Variants in MYT1 observed in about 807,000 individuals in gnomAD.
MYT1 encodes myelin transcription factor 1, also known as myelin transcription factor I.
In MYT1, 23 loss-of-function variants were observed where a neutral mutation model predicts 123.0. That is an observed-to-expected ratio of 0.19 (90% CI 0.13 to 0.26). The LOEUF (loss-of-function observed/expected upper bound fraction) is 0.26. Among genes scored for constraint, MYT1 ranks in the 10% least tolerant of loss-of-function variants. MYT1 has a pLI of 1.00. For synonymous variants in MYT1, 518 were observed against 575.3 expected (o/e 0.90, Z 1.43); for missense variants, 1,125 against 1,472.5 (o/e 0.76, Z 3.86).
At position 64,235,732 on chromosome 20, in the gene MYT1, C is replaced by A. The variant is rs187754966; in HGVS notation, c.2898-823C>A. Among the ~76,000 whole-genome samples, 903 of 97,334 alleles carry A rather than the reference C, an allele frequency of 9.3e-3. 13 individuals carry two copies. Among genetic ancestry groups the A allele is most frequent in the African/African-American group, 0.017 (278 of 16,848 alleles). 63.9% of individuals were successfully genotyped at this position (97,334 alleles called of 152,430 possible). A position where few individuals can be genotyped will look rare whatever the true frequency, so the allele number is the denominator to read the frequency against. Reference sequence around the variant, plus strand: ...GCTGGCCGTGGTGGGTGACCCTTGGCTGGCTGTGGTGGGTGACCCTTGGAT... The same window carrying A: ...GCTGGCCGTGGTGGGTGACCCTTGGATGGCTGTGGTGGGTGACCCTTGGAT... On this transcript the variant is annotated intron_variant, in intron 19 of 22. Coordinates refer to ENST00000328439, the MANE Select transcript of MYT1 (RefSeq NM_004535.3).
At chr20:64,169,414 A>G (rs1170298207) in intron 1 of MYT1, among the ~76,000 whole-genome samples, 1 of 152,186 alleles carries the variant, frequency 6.6e-6, no homozygotes, top group Non-Finnish European at 1.5e-5. Flanking sequence ...TGGGTTCTGA[A>G]AATCAAATGG....
rs1049927324 is a variant in MYT1, at chr20:64,240,858, G to T, written c.*410G>T. 5.6e-6 allele frequency: 1 copy of T among 178,804 alleles called. No homozygotes were observed. Among genetic ancestry groups the T allele is most frequent in the Admixed American group, 5.6e-5 (1 of 17,846 alleles). 11.1% of individuals were successfully genotyped at this position (178,804 alleles called of 1,614,324 possible). On this transcript the variant is annotated 3_prime_UTR_variant, in exon 23 of 23. Coordinates refer to ENST00000328439, the MANE Select transcript of MYT1 (RefSeq NM_004535.3). ...GGTGGGTGGTGTGAGTGGCATCTTG[G>T]CCTGGAGGACACGCCTGGGGCAGCG...
At position 64,192,769 on chromosome 20, in the gene MYT1, G is replaced by A. The variant is rs1042177550; in HGVS notation, c.-1+2609G>A. ...ACCCTTCTTCCTGCCACCCAGGGCA[G>A]GAGGTGCCTCTGGCAAGGACTACTG... On this transcript the variant is annotated intron_variant, in intron 2 of 22. Coordinates refer to ENST00000328439, the MANE Select transcript of MYT1 (RefSeq NM_004535.3). The surrounding 1 kb of genome is among the most constrained non-coding windows in gnomAD (Gnocchi z 5.3). Among the ~76,000 whole-genome samples the A allele has an allele frequency of 1.3e-5, 2 of 152,266 alleles. No individual in the cohort carries two copies. The highest frequency in any genetic ancestry group is 4.8e-5 in the African/African-American group (2 of 41,476).
chr20:64,175,881 T>C (rs201062038), intron 1 of MYT1, among the ~76,000 whole-genome samples: 1 of 6,700 alleles, frequency 1.5e-4, no homozygotes, highest in African/African-American at 1.3e-3. Context: ...GCTTCTCCTG[T>C]AGCATCTTTC....
At position 64,240,266 on chromosome 20, in the gene MYT1, C is replaced by T. The variant is rs201684257; in HGVS notation, c.3238-54C>T. 4.7e-4 allele frequency: 741 copies of T among 1,590,560 alleles called. 8 individuals are homozygous for T. The South Asian group carries it at 4.8e-3, about 10-fold the overall frequency. On this transcript the variant is annotated intron_variant, in intron 22 of 22. Transcript: ENST00000328439. Reference sequence around the variant, plus strand: ...TTTGATGCTCCCACATCAGGCTCTGCGGTGTGGGGCCCACTGCATGGACGG... The same window carrying T: ...TTTGATGCTCCCACATCAGGCTCTGTGGTGTGGGGCCCACTGCATGGACGG...
At chr20:64,229,768 C>T (rs1300607773) in intron 18 of MYT1, among the ~76,000 whole-genome samples, 3 of 152,192 alleles carry the variant, frequency 2.0e-5, no homozygotes, top group African/African-American at 4.8e-5. Context: ...CTCCTGCCTG[C>T]GCTATTTAAA....
rs756810545 is a variant in MYT1, at chr20:64,208,075, AGAG to A, written c.888_890del (p.Glu306del). The A allele has an allele frequency of 6.2e-6, 10 of 1,601,090 alleles. No individual in the cohort carries two copies. In the Admixed American group the frequency reaches 8.4e-5, roughly 13 times the overall value. On this transcript the variant is annotated inframe_deletion, in exon 7 of 23. Transcript: ENST00000328439. The surrounding 1 kb of genome is among the most constrained non-coding windows in gnomAD (Gnocchi z 5.4). ...AGGAAGAGGAGGAGGAGGAAGAGGA[AGAG>A]GAGGAGGAAGAGGAAGAGGAAGAGG...
At chr20:64,204,196 C>T (rs186329601) in intron 4 of MYT1, among the ~76,000 whole-genome samples, 84 of 152,300 alleles carry the variant, frequency 5.5e-4, no homozygotes, top group Non-Finnish European at 5.7e-4. Flanking sequence ...GTGGTCCTGC[C>T]GCCACGTTGG....
In MYT1 at chr20:64,218,808, T is replaced by A; in HGVS notation, c.1847-103T>A. 7.0e-7 allele frequency: 1 copy of A among 1,433,408 alleles called. No homozygotes were observed. The highest frequency in any genetic ancestry group is 1.4e-5 in the African/African-American group (1 of 70,912). The allele number at this position is 1,433,408 out of a possible 1,614,324, so 88.8% of individuals were successfully genotyped here. A position where few individuals can be genotyped will look rare whatever the true frequency, so the allele number is the denominator to read the frequency against. On this transcript the variant is annotated intron_variant, in intron 11 of 22. Coordinates refer to ENST00000328439, the MANE Select transcript of MYT1 (RefSeq NM_004535.3). The surrounding 1 kb of genome is among the most constrained non-coding windows in gnomAD (Gnocchi z 4.0). ...CCTCTTTTCAAGTTGTATATCAGCC[T>A]GGTGTTGTTCCCTTTTTGCAGCCAA...
chr20:64,235,673 G>T, intron 19 of MYT1, among the ~76,000 whole-genome samples: 1 of 146,264 alleles, frequency 6.8e-6, no homozygotes, highest in Non-Finnish European at 1.5e-5. Flanking sequence ...GCCGTGGTGG[G>T]TGACACTGGG....
chr20:64,208,427 G>T lies in MYT1; in HGVS notation c.1231G>T (p.Gly411Ter). ...TGCCGAGCAGAGCCAGCTGGGCCTG[G>T]GAGAGCCAGGGAAGGCAGCAAAGCC... ...PPAEQSQLGL[G>*]EPGKAAKPLD... Residue 411 changes from glycine to a stop codon, truncating the protein, a stop_gained, in exon 7 of 23, where the codon GGA becomes TGA. Coordinates refer to ENST00000328439, the MANE Select transcript of MYT1 (RefSeq NM_004535.3). LOFTEE classifies it high-confidence loss of function. The surrounding 1 kb of genome is among the most constrained non-coding windows in gnomAD (Gnocchi z 5.4). 1 of 1,613,130 alleles carries T rather than the reference G, an allele frequency of 6.2e-7. No individual in the cohort carries two copies. The highest frequency in any genetic ancestry group is 8.5e-7 in the Non-Finnish European group (1 of 1,179,892).
chr20:64,211,956 C>A, intron 8 of MYT1, 92 bp from the exon 9 acceptor site: 1 of 1,081,650 alleles, frequency 9.2e-7, no homozygotes, highest in Non-Finnish European at 1.4e-6. Context: ...GACAAGGCTC[C>A]TGCACCCTCC....
chr20:64,222,575 A>G (rs1002463086), intron 14 of MYT1, among the ~76,000 whole-genome samples: 2 of 152,228 alleles, frequency 1.3e-5, no homozygotes, highest in African/African-American at 2.4e-5. Flanking sequence ...TCAGATGTCA[A>G]TGACCTTCTG....
At chr20:64,223,055 C>A in intron 14 of MYT1, 56 bp from the exon 15 acceptor site, 1 of 1,602,472 alleles carries the variant, frequency 6.2e-7, no homozygotes, top group Non-Finnish European at 8.5e-7. Flanking sequence ...GCAGGCTCAG[C>A]CTGGGGGGCA....
In MYT1 at chr20:64,192,549, C is replaced by G. The variant is rs3003136; in HGVS notation, c.-1+2389C>G. Reference sequence around the variant, plus strand: ...ACACAAACCCTGTGCATGGGACCGTCACAGCCTGCGGCGTGCCTCTGAGTT... The same window carrying G: ...ACACAAACCCTGTGCATGGGACCGTGACAGCCTGCGGCGTGCCTCTGAGTT... On this transcript the variant is annotated intron_variant, in intron 2 of 22. Coordinates refer to ENST00000328439, the MANE Select transcript of MYT1 (RefSeq NM_004535.3). This position sits in a 1 kb window ranked among gnomAD's most constrained non-coding sequence, Gnocchi z 5.3. 0.63 allele frequency among the ~76,000 whole-genome samples: 96,191 copies of G among 152,074 alleles called. 31,635 individuals carry two copies. Among genetic ancestry groups the G allele is most frequent in the African/African-American group, 0.81 (33,776 of 41,502 alleles).
Position 64,240,570 on chromosome 20 carries a change from C to A in MYT1, c.*122C>A. 1 of 1,373,040 alleles carries A rather than the reference C, an allele frequency of 7.3e-7. No homozygotes were observed. The highest frequency in any genetic ancestry group is 9.6e-7 in the Non-Finnish European group (1 of 1,042,740). The allele number at this position is 1,373,040 out of a possible 1,614,324, so 85.1% of individuals were successfully genotyped here. On this transcript the variant is annotated 3_prime_UTR_variant, in exon 23 of 23. Coordinates refer to ENST00000328439, the MANE Select transcript of MYT1 (RefSeq NM_004535.3). ...GTTTGGGGCCCGGTGTGGCCGCGGG[C>A]GGGTTTATCCAAAGGGATGGCTGGA...
intron 1 of MYT1, among the ~76,000 whole-genome samples, chr20:64,178,812 T>G (rs13037633): frequency 1.7e-5 from 1 of 59,434 alleles, no homozygotes; most frequent in African/African-American, 7.5e-5. Context: ...AGCCGTTATT[T>G]GGTGGGATGC....
chr20:64,198,286 CAA>C (rs34822167), intron 2 of MYT1, among the ~76,000 whole-genome samples: 3 of 23,828 alleles, frequency 1.3e-4, no homozygotes, highest in East Asian at 5.8e-3. Context: ...GACTCCGTCT[CAA>C]AAAAAAAAAA....
intron 1 of MYT1, among the ~76,000 whole-genome samples, chr20:64,172,609 C>T (rs1239455914): frequency 6.6e-6 from 1 of 152,116 alleles, no homozygotes; most frequent in African/African-American, 2.4e-5. Context: ...GACCAAGGAA[C>T]GAAAATGCTG....
Sources: allele counts gnomAD v4.1 joint callset (sites outside exome capture counted in the v4.1 genomes callset), GRCh38; gene constraint gnomAD v4.1.1; non-coding constraint Gnocchi (gnomAD v3.1); transcripts MANE v1.5; gene names NCBI Gene and HGNC (gene_info 2026-07-23, HGNC 2026-07-21).